NCOR2: variants seen among roughly 807,000 people sequenced by gnomAD.
NCOR2 encodes the protein nuclear receptor corepressor 2, also known as CTG repeat protein 26.
In NCOR2, 81 loss-of-function variants were observed where a neutral mutation model predicts 262.9. The ratio of observed to expected loss-of-function variants is 0.31; its 90% CI spans 0.26 to 0.37. The LOEUF (loss-of-function observed/expected upper bound fraction) is 0.37. Ranked by LOEUF, NCOR2 falls within the 10% of genes least tolerant of loss-of-function variation. NCOR2 has a pLI of 1.00. For missense variants in NCOR2, 3,385 were observed against 3,621.4 expected (o/e 0.93, Z 1.68); for synonymous variants, 1,659 against 1,559.3 (o/e 1.06, Z -1.51).
upstream of NCOR2, chr12:124,539,194 C>G (rs1260445715): frequency 6.6e-6 from 1 of 152,486 alleles, no homozygotes. The surrounding 1 kb of genome is among the most constrained non-coding windows in gnomAD (Gnocchi z 5.1). Context: ...CCCGCAGCAG[C>G]AGGTCTCACT....
At chr12:124,471,448 C>T (rs1185788371) in intron 4 of NCOR2, among the ~76,000 whole-genome samples, 1 of 152,248 alleles carries the variant, frequency 6.6e-6, no homozygotes, top group Non-Finnish European at 1.5e-5. Context: ...CTATGTACCC[C>T]ATGCTGCTCA....
intron 13 of NCOR2, among the ~76,000 whole-genome samples, chr12:124,410,560 C>A (rs760176250): frequency 2.6e-5 from 4 of 152,046 alleles, no homozygotes; most frequent in Admixed American, 2.6e-4. Flanking sequence ...CTGGGAAAGT[C>A]GGCACCACCG....
chr12:124,359,507 G>A (rs111404346), intron 22 of NCOR2, among the ~76,000 whole-genome samples: 2,595 of 152,358 alleles, frequency 0.017, 36 homozygotes, highest in Non-Finnish European at 0.025. Context: ...AGGAGGCAGG[G>A]GGCACAGATG....
chr12:124,381,518 T>C (rs944835485), intron 17 of NCOR2, among the ~76,000 whole-genome samples: 6 of 152,324 alleles, frequency 3.9e-5, no homozygotes, highest in Non-Finnish European at 7.3e-5. Context: ...ATTCCCACCA[T>C]ACCTGGAACA....
At chr12:124,429,444 G>A (rs889533718) in intron 10 of NCOR2, 169 bp downstream of exon 12, 2 of 671,896 alleles carry the variant, frequency 3.0e-6, no homozygotes, top group East Asian at 2.7e-5. Context: ...GCTCGCCCCT[G>A]CAGGCCTGGG....
intron 7 of NCOR2, among the ~76,000 whole-genome samples, chr12:124,438,340 C>A (rs780932216): frequency 4.6e-5 from 7 of 152,198 alleles, no homozygotes; most frequent in Non-Finnish European, 7.3e-5. Context: ...CAGCCACAGC[C>A]TCCAACTAGG....
intron 1 of NCOR2, among the ~76,000 whole-genome samples, chr12:124,519,864 G>A (rs1415015904): frequency 1.3e-5 from 2 of 149,638 alleles, no homozygotes; most frequent in African/African-American, 5.1e-5. Context: ...CAGAGCAGGA[G>A]GCTGGCCCAG....
intron 13 of NCOR2, among the ~76,000 whole-genome samples, chr12:124,416,715 C>T (rs1452978659): frequency 6.7e-6 from 1 of 149,362 alleles, no homozygotes; most frequent in African/African-American, 2.5e-5. Context: ...AGATAGAACC[C>T]GCGGCACAGG....
chr12:124,455,915 G>A (rs1194403773), intron 6 of NCOR2, among the ~76,000 whole-genome samples: 1 of 152,178 alleles, frequency 6.6e-6, no homozygotes, highest in Non-Finnish European at 1.5e-5. Context: ...TCACTCTACT[G>A]CCCAGGCTGG....
At position 124,355,690 on chromosome 12, in the gene NCOR2, G is replaced by A. The variant is rs763156893; in HGVS notation, c.3242-119C>T. The stretch of plus-strand genomic sequence containing the variant: ...CTGGCCAGGAAGTGCCCATCCATGC[G>A]CACTCCTCTATTGCCCTGCCTGGCT... On this transcript the variant is annotated intron_variant, in intron 23 of 46. Coordinates refer to ENST00000405201, the Ensembl canonical transcript of NCOR2. The A allele has an allele frequency of 1.3e-4, 172 of 1,367,302 alleles. 1 individual carries two copies. The highest frequency in any genetic ancestry group is 1.5e-4 in the Non-Finnish European group (154 of 1,043,724). 84.7% of individuals were successfully genotyped at this position (1,367,302 alleles called of 1,614,324 possible). A position where few individuals can be genotyped will look rare whatever the true frequency, so the allele number is the denominator to read the frequency against.
At chr12:124,489,390 C>T (rs79877711) in intron 1 of NCOR2, among the ~76,000 whole-genome samples, 1,668 of 152,292 alleles carry the variant, frequency 0.011, 26 homozygotes, top group African/African-American at 0.038. Context: ...CACACAAAGA[C>T]GAGAAAACAG....
At position 124,503,589 on chromosome 12, in the gene NCOR2, C is replaced by T. The variant is rs1210165286; in HGVS notation, c.-117-8221G>A. 7.5e-6 allele frequency among the ~76,000 whole-genome samples: 1 copy of T among 133,726 alleles called. No homozygotes were observed. The highest frequency in any genetic ancestry group is 1.6e-5 in the Non-Finnish European group (1 of 64,076). The allele number at this position is 133,726 out of a possible 152,430, so 87.7% of individuals were successfully genotyped here. A position where few individuals can be genotyped will look rare whatever the true frequency, so the allele number is the denominator to read the frequency against. On this transcript the variant is annotated intron_variant, in intron 1 of 46. Coordinates refer to the NCOR2 transcript ENST00000404621. The surrounding 1 kb of genome is among the most constrained non-coding windows in gnomAD (Gnocchi z 4.3). ...GATAGATGGAAGACGGACGGATGGA[C>T]GGATGGATGGATGGACGGACGGACG...
chr12:124,326,152 G>A, intron 46 of NCOR2, 39 bp downstream of exon 48: 1 of 1,453,964 alleles, frequency 6.9e-7, no homozygotes, highest in Non-Finnish European at 9.0e-7. Flanking sequence ...CAGTGTTGGG[G>A]GCTCAGCGAG....
rs1021717419 is a variant in NCOR2 at position 124,517,194 on chromosome 12, G to A, written c.-118+18371C>T. ...CAAGGTCACACAGCATAGAGAGGAC[G>A]GAGCCAGGACTCAAACCCAGGTCTG... is the stretch of plus-strand genomic sequence containing the variant. On this transcript the variant is annotated intron_variant, in intron 1 of 46. Transcript: ENST00000404621. This position sits in a 1 kb window ranked among gnomAD's most constrained non-coding sequence, Gnocchi z 7.6. Among the ~76,000 whole-genome samples, 9 of 152,120 alleles carry A rather than the reference G, an allele frequency of 5.9e-5. No individual in the cohort carries two copies. The highest frequency in any genetic ancestry group is 1.9e-4 in the East Asian group (1 of 5,188).
chr12:124,355,539 C>A (rs2037880181), exon 24 of NCOR2: 1 of 1,592,078 alleles, frequency 6.3e-7, no homozygotes, highest in South Asian at 1.2e-5. Flanking sequence ...ACGGGCCGGG[C>A]AGTGTCATGG....
chr12:124,362,220 C>T (rs747598845), exon 22 of NCOR2: 29 of 1,309,584 alleles, frequency 2.2e-5, no homozygotes, highest in Admixed American at 2.9e-5. Flanking sequence ...GCAGGTTTTG[C>T]GGTGGCGGTG....
intron 13 of NCOR2, among the ~76,000 whole-genome samples, chr12:124,418,018 G>A (rs1157721697): frequency 6.7e-6 from 1 of 149,144 alleles, no homozygotes; most frequent in Non-Finnish European, 1.5e-5. Flanking sequence ...CTGGGATCGC[G>A]CCACTGCACT....
intron 7 of NCOR2, among the ~76,000 whole-genome samples, chr12:124,446,457 C>G (rs1480693793): frequency 6.6e-6 from 1 of 152,174 alleles, no homozygotes; most frequent in African/African-American, 2.4e-5. Context: ...GGCCTGTGCC[C>G]TCCTCTCCCT....
At chr12:124,356,347 T>C (rs2037953236) in intron 23 of NCOR2, among the ~76,000 whole-genome samples, 1 of 152,174 alleles carries the variant, frequency 6.6e-6, no homozygotes, top group South Asian at 2.1e-4. Context: ...TCTTCTACCA[T>C]CTGCCCATTC....
Sources: gnomAD v4.1 joint callset for allele counts (sites outside exome capture counted in the v4.1 genomes callset) on GRCh38, gnomAD v4.1.1 for gene constraint, Gnocchi (gnomAD v3.1) non-coding constraint, MANE v1.5 for transcripts, NCBI Gene and HGNC (gene_info 2026-07-23, HGNC 2026-07-21) for gene names.